PDE7B: variants seen among roughly 807,000 people sequenced by gnomAD.
PDE7B encodes the protein phosphodiesterase 7B.
Under a neutral mutation model 56.2 loss-of-function variants are expected in PDE7B, and 29 were observed. The ratio of observed to expected loss-of-function variants is 0.52; its 90% confidence interval spans 0.38 to 0.70. PDE7B has a LOEUF of 0.70. Among genes scored for constraint, PDE7B ranks in the 30% least tolerant of loss-of-function variants. The pLI, the probability that PDE7B is intolerant of heterozygous loss-of-function variation, is 0.00. For missense variants in PDE7B, 490 were observed against 565.0 expected (o/e 0.87, Z 1.35); for synonymous variants, 197 against 196.9 (o/e 1.00, Z 0.00).
At chr6:136,074,978 A>G (rs1777107601) in intron 2 of PDE7B, among the ~76,000 whole-genome samples, 1 of 152,204 alleles carries the variant, frequency 6.6e-6, no homozygotes, top group African/African-American at 2.4e-5. Flanking sequence ...GGTACAAAAA[A>G]TAATTTAAGG....
intron 2 of PDE7B, among the ~76,000 whole-genome samples, chr6:136,091,677 T>G (rs887548546): frequency 6.6e-6 from 1 of 152,220 alleles, no homozygotes; most frequent in African/African-American, 2.4e-5. Context: ...TATTTGCAGG[T>G]AGTATTGTCT....
chr6:135,977,380 A>G (rs1340489823), intron 2 of PDE7B, among the ~76,000 whole-genome samples: 1 of 152,130 alleles, frequency 6.6e-6, no homozygotes, highest in Non-Finnish European at 1.5e-5. Flanking sequence ...GCTTGGATTC[A>G]GATTCGGTCC....
In PDE7B at chr6:136,155,622, A is replaced by G; in HGVS notation, c.580-5A>G. The G allele has an allele frequency of 6.3e-7, 1 of 1,598,242 alleles. No individual in the cohort carries two copies. Among genetic ancestry groups the G allele is most frequent in the Non-Finnish European group, 8.5e-7 (1 of 1,171,922 alleles). ...AATCAATCTCCCAATTTGTTTTTTT[A>G]ACAGCTTGCCAGCTTCCTCACGCCT... is the stretch of plus-strand genomic sequence containing the variant. On this transcript the variant is annotated splice_region_variant and splice_polypyrimidine_tract_variant and intron_variant, in intron 7 of 12. Coordinates refer to ENST00000308191, the MANE Select transcript of PDE7B (RefSeq NM_018945.4).
At chr6:135,945,956 A>C (rs991420563) in intron 1 of PDE7B, among the ~76,000 whole-genome samples, 3 of 152,146 alleles carry the variant, frequency 2.0e-5, no homozygotes, top group African/African-American at 7.2e-5. Flanking sequence ...GAATAATTTA[A>C]GGGACACACC....
chr6:136,050,150 T>C (rs962682657), intron 2 of PDE7B, among the ~76,000 whole-genome samples: 6 of 152,196 alleles, frequency 3.9e-5, no homozygotes, highest in Non-Finnish European at 7.3e-5. Context: ...TCTCTCTAAA[T>C]CCAATTTTCT....
intron 8 of PDE7B, chr6:136,156,166 T>A (rs1778600618): frequency 3.7e-6 from 1 of 272,068 alleles, no homozygotes; most frequent in South Asian, 3.3e-5. Flanking sequence ...GATCCAAGTG[T>A]GTGTGTGTGT....
At chr6:136,187,916 A>C (rs1779166682) in intron 12 of PDE7B, among the ~76,000 whole-genome samples, 1 of 151,834 alleles carries the variant, frequency 6.6e-6, no homozygotes, top group Admixed American at 6.6e-5. Context: ...CAGAACTTTA[A>C]CTCTTTTCCT....
intron 2 of PDE7B, among the ~76,000 whole-genome samples, chr6:136,011,680 A>G (rs1342901840): frequency 6.6e-6 from 1 of 152,182 alleles, no homozygotes; most frequent in Non-Finnish European, 1.5e-5. Context: ...GTATATTTCT[A>G]AGTGCCTGAA....
chr6:136,023,902 G>T (rs1342743435), intron 2 of PDE7B, among the ~76,000 whole-genome samples: 2 of 152,050 alleles, frequency 1.3e-5, no homozygotes, highest in Non-Finnish European at 2.9e-5. Context: ...TGTTCTTAAG[G>T]CCTGAAAAGG....
intron 1 of PDE7B, among the ~76,000 whole-genome samples, chr6:135,862,904 A>G (rs972461446): frequency 9.9e-5 from 15 of 151,870 alleles, no homozygotes; most frequent in African/African-American, 3.4e-4. Context: ...TTTCAATTAT[A>G]ATTTGTTTTT....
chr6:135,966,210 C>T (rs996811695), intron 2 of PDE7B, among the ~76,000 whole-genome samples: 1 of 152,130 alleles, frequency 6.6e-6, no homozygotes, highest in Non-Finnish European at 1.5e-5. Flanking sequence ...TTAGAAAACT[C>T]CCCTCCTTGG....
At chr6:136,071,769 G>T (rs145415968) in intron 2 of PDE7B, among the ~76,000 whole-genome samples, 1,537 of 152,160 alleles carry the variant, frequency 0.01, 8 homozygotes, top group South Asian at 0.025. Context: ...CTCCAGCCTG[G>T]GCAACTGAGC....
chr6:135,859,358 GA>G (rs1256082935), intron 1 of PDE7B, among the ~76,000 whole-genome samples: 1 of 152,024 alleles, frequency 6.6e-6, no homozygotes. Context: ...GCTTCATTCG[GA>G]AAAGTGTAGG....
intron 2 of PDE7B, among the ~76,000 whole-genome samples, chr6:136,004,436 T>C (rs903909491): frequency 4.6e-5 from 7 of 152,252 alleles, no homozygotes; most frequent in African/African-American, 1.2e-4. Flanking sequence ...GATGACATGA[T>C]TGTATATCTA....
chr6:136,131,618 C>G (rs1396965362), intron 3 of PDE7B, among the ~76,000 whole-genome samples: 1 of 150,136 alleles, frequency 6.7e-6, no homozygotes, highest in African/African-American at 2.5e-5. Context: ...TTTTCCAAAG[C>G]TGGGGGCACT....
At position 136,147,423 on chromosome 6, in the gene PDE7B, A is replaced by G. The variant is rs1583908046; in HGVS notation, c.239A>G (p.His80Arg). 3 of 1,613,150 alleles carry G rather than the reference A, an allele frequency of 1.9e-6. No individual in the cohort carries two copies. The highest frequency in any genetic ancestry group is 2.2e-5 in the East Asian group (1 of 44,878). ...KRLLSFQRYF[H>R]ASRLLRGIIP... ...CTATTAAGCTTTCAAAGATACTTCC[A>G]TGCATCAAGGCTGCTTCGTGGAATT... The change falls in exon 4 of 13, where the codon CAT becomes CGT. Residue 80 changes from histidine to arginine, a missense_variant. Physicochemically the swap from His to Arg is conservative, Grantham distance 29 (BLOSUM62 0). Coordinates refer to ENST00000308191, the MANE Select transcript of PDE7B (RefSeq NM_018945.4).
chr6:136,172,692 G>C (rs1253503509), intron 8 of PDE7B, among the ~76,000 whole-genome samples: 1 of 151,872 alleles, frequency 6.6e-6, no homozygotes, highest in Admixed American at 6.6e-5. Flanking sequence ...TGGTGTTTTA[G>C]ACATGAAGTC....
intron 12 of PDE7B, among the ~76,000 whole-genome samples, chr6:136,187,599 C>T (rs906836968): frequency 4.6e-5 from 7 of 152,178 alleles, no homozygotes; most frequent in African/African-American, 1.2e-4. Context: ...CCCAGTTTCA[C>T]TAGTCCTTCC....
At chr6:136,184,665 G>A (rs1323229227) in intron 11 of PDE7B, among the ~76,000 whole-genome samples, 12 of 152,152 alleles carry the variant, frequency 7.9e-5, no homozygotes, top group African/African-American at 2.9e-4. Flanking sequence ...AGAGGATTGT[G>A]GAGGCCCCTG....
Sources: gnomAD v4.1 joint callset for allele counts (sites outside exome capture counted in the v4.1 genomes callset) on GRCh38, gnomAD v4.1.1 for gene constraint, MANE v1.5 for transcripts, NCBI Gene and HGNC (gene_info 2026-07-23, HGNC 2026-07-21) for gene names.